The following RSPO2 variants were observed in gnomAD, a reference collection of about 807,000 sequenced individuals.
RSPO2 encodes the protein R-spondin-2.
In RSPO2, 14 loss-of-function variants were observed where a neutral mutation model predicts 30.9. The observed-to-expected ratio is 0.45, with a 90% CI of 0.30 to 0.71. The LOEUF (loss-of-function observed/expected upper bound fraction) is 0.71, where lower values mean the gene tolerates loss of function less well. Ranked by LOEUF, RSPO2 falls within the 30% of genes least tolerant of loss-of-function variation. RSPO2 has a pLI of 0.08. For synonymous variants in RSPO2, 107 were observed against 96.4 expected (o/e 1.11, Z -0.64); for missense variants, 264 against 301.9 (o/e 0.87, Z 0.93).
intron 2 of RSPO2, chr8:107,996,990 C>T: frequency 2.3e-6 from 1 of 441,348 alleles, no homozygotes; most frequent in Non-Finnish European, 4.5e-6. Flanking sequence ...TGAACCACAC[C>T]TAACCTGAGT....
At chr8:107,941,093 A>C (rs149490887) in intron 5 of RSPO2, among the ~76,000 whole-genome samples, 1,786 of 152,106 alleles carry the variant, frequency 0.012, 39 homozygotes, top group African/African-American at 0.039. Context: ...CTTACCCCCC[A>C]AAAAAATGTA....
At chr8:107,959,937 C>T (rs1382909086) in intron 4 of RSPO2, among the ~76,000 whole-genome samples, 1 of 152,048 alleles carries the variant, frequency 6.6e-6, no homozygotes. Context: ...TAATACATAG[C>T]TGTGTTGTAT....
intron 3 of RSPO2, among the ~76,000 whole-genome samples, chr8:107,963,101 G>T (rs1813682656): frequency 6.6e-6 from 1 of 152,046 alleles, no homozygotes; most frequent in South Asian, 2.1e-4. Flanking sequence ...CATGTTGGAT[G>T]AAAGCTTAAT....
chr8:108,055,168 T>C (rs1812204832), intron 2 of RSPO2, among the ~76,000 whole-genome samples: 1 of 152,086 alleles, frequency 6.6e-6, no homozygotes, highest in Non-Finnish European at 1.5e-5. Context: ...CTGCTTTAGA[T>C]ACAGTTACTG....
chr8:108,012,988 G>A (rs988204263), intron 2 of RSPO2, among the ~76,000 whole-genome samples: 1 of 152,158 alleles, frequency 6.6e-6, no homozygotes, highest in East Asian at 1.9e-4. Context: ...TTCCTGTCCA[G>A]GTTTCTGATG....
intron 3 of RSPO2, among the ~76,000 whole-genome samples, chr8:107,971,338 G>T (rs987056543): frequency 5.3e-5 from 8 of 152,148 alleles, no homozygotes; most frequent in African/African-American, 1.4e-4. Flanking sequence ...AAAATGTTTT[G>T]TAAAGAGTAT....
intron 2 of RSPO2, among the ~76,000 whole-genome samples, chr8:108,043,631 G>T (rs1159314): frequency 6.6e-6 from 1 of 151,410 alleles, no homozygotes; most frequent in African/African-American, 2.4e-5. Flanking sequence ...AGCACCTCTC[G>T]TCCTGAGGCA....
At chr8:107,984,173 T>C (rs1194275314) in intron 3 of RSPO2, among the ~76,000 whole-genome samples, 1 of 152,244 alleles carries the variant, frequency 6.6e-6, no homozygotes, top group Non-Finnish European at 1.5e-5. Context: ...GAGCTAATGA[T>C]TCTGACTTGG....
chr8:107,929,532 A>C (rs1220732963), intron 5 of RSPO2, among the ~76,000 whole-genome samples: 1 of 152,166 alleles, frequency 6.6e-6, no homozygotes, highest in Non-Finnish European at 1.5e-5. Flanking sequence ...CTCTTGGCTA[A>C]GAAGAGAGAG....
At chr8:107,970,459 G>A (rs1586588581) in intron 3 of RSPO2, among the ~76,000 whole-genome samples, 3 of 152,074 alleles carry the variant, frequency 2.0e-5, no homozygotes, top group African/African-American at 4.8e-5. Context: ...TAGAAAAAAG[G>A]AAAAGAAAAT....
At chr8:108,018,390 C>G (rs1034081741) in intron 2 of RSPO2, among the ~76,000 whole-genome samples, 3 of 152,168 alleles carry the variant, frequency 2.0e-5, no homozygotes, top group African/African-American at 7.2e-5. Flanking sequence ...TTTCCCAAAC[C>G]TTCCTTAGGT....
chr8:108,055,558 G>T (rs1389667446), intron 2 of RSPO2, among the ~76,000 whole-genome samples: 1 of 152,116 alleles, frequency 6.6e-6, no homozygotes, highest in Non-Finnish European at 1.5e-5. Flanking sequence ...CCTACAAAAT[G>T]GCAGCCGACT....
At position 107,972,001 on chromosome 8, in the gene RSPO2, C is replaced by T. The variant is rs181088783; in HGVS notation, c.284-11184G>A. Among the ~76,000 whole-genome samples, 439 of 152,270 alleles carry T rather than the reference C, an allele frequency of 2.9e-3. 6 individuals carry two copies. The South Asian group carries it at 0.046, about 16-fold the overall frequency. ...TTACCACTCTGTCCATCATAATCCT[C>T]CTATTAAATGTAGAAAACAGAGCCT... is the stretch of plus-strand genomic sequence containing the variant. On this transcript the variant is annotated intron_variant, in intron 3 of 5. Coordinates refer to ENST00000276659, the MANE Select transcript of RSPO2 (RefSeq NM_178565.5).
chr8:108,032,199 G>A (rs1279093662), intron 2 of RSPO2, among the ~76,000 whole-genome samples: 2 of 152,162 alleles, frequency 1.3e-5, no homozygotes, highest in Non-Finnish European at 2.9e-5. Context: ...GAAAAGGAAA[G>A]CAGAGAAGAG....
At chr8:108,032,074 G>A (rs761010685) in intron 2 of RSPO2, among the ~76,000 whole-genome samples, 6 of 152,102 alleles carry the variant, frequency 3.9e-5, no homozygotes, top group Non-Finnish European at 7.4e-5. Context: ...CCAAATACAA[G>A]CTCTGACCCT....
intron 5 of RSPO2, among the ~76,000 whole-genome samples, chr8:107,938,584 T>G (rs1044611104): frequency 6.6e-6 from 1 of 152,110 alleles, no homozygotes; most frequent in Non-Finnish European, 1.5e-5. Flanking sequence ...TAGAAACATG[T>G]AAAGTATTTG....
rs183055758 is a variant in RSPO2 at position 107,920,730 on chromosome 8, A to G, written c.617-19540T>C. Among the ~76,000 whole-genome samples the G allele has an allele frequency of 6.6e-5, 10 of 152,250 alleles. No homozygotes were observed. The East Asian group carries it at 1.9e-3, about 29-fold the overall frequency. On this transcript the variant is annotated intron_variant, in intron 5 of 5. Transcript: ENST00000276659. ...TAGATACGTTCCCATTAAGGATTAT[A>G]TGAATGCATAATGTTATTCAGGTAA... is the stretch of plus-strand genomic sequence containing the variant.
chr8:107,994,542 G>C (rs976650968), intron 2 of RSPO2, among the ~76,000 whole-genome samples: 7 of 151,992 alleles, frequency 4.6e-5, no homozygotes, highest in Admixed American at 2.0e-4. Flanking sequence ...TAAAAGAAAA[G>C]ACACAAAATA....
rs191927864 is a variant in RSPO2 at position 107,901,422 on chromosome 8, T to C, written c.617-232A>G. On this transcript the variant is annotated intron_variant, in intron 5 of 5. Coordinates refer to ENST00000276659, the MANE Select transcript of RSPO2 (RefSeq NM_178565.5). ...TTTCCTGTTACAGGGAACTGGCATA[T>C]TGAAAAACCTCCCAGTGGCCTGATC... is the stretch of plus-strand genomic sequence containing the variant. Among the ~76,000 whole-genome samples, 7 of 152,346 alleles carry C rather than the reference T, an allele frequency of 4.6e-5. No homozygotes were observed. In the East Asian group the frequency reaches 9.6e-4, roughly 21 times the overall value.
Sources: allele counts gnomAD v4.1 joint callset (sites outside exome capture counted in the v4.1 genomes callset), GRCh38; gene constraint gnomAD v4.1.1; transcripts MANE v1.5; gene names NCBI Gene and HGNC (gene_info 2026-07-23, HGNC 2026-07-21).